Variants in SLC9A9 observed in about 807,000 individuals in gnomAD.
SLC9A9 encodes the protein sodium/hydrogen exchanger 9.
SLC9A9 carries 62 observed loss-of-function variants against 77.8 expected under a neutral mutation model. The ratio of observed to expected loss-of-function variants is 0.80; its 90% CI spans 0.65 to 0.98. SLC9A9 has a LOEUF of 0.98. Among genes scored for constraint, SLC9A9 ranks in the 50% least tolerant of loss-of-function variants. The pLI is 0.00. For synonymous variants in SLC9A9, 320 were observed against 283.5 expected (o/e 1.13, Z -1.29); for missense variants, 775 against 774.9 (o/e 1.00, Z 0.00).
At chr3:143,624,103 T>A (rs1252090822) in intron 6 of SLC9A9, among the ~76,000 whole-genome samples, 4 of 152,188 alleles carry the variant, frequency 2.6e-5, no homozygotes, top group African/African-American at 9.7e-5. Flanking sequence ...TAACAGGCTC[T>A]GAAATTGAGG....
At chr3:143,531,140 T>A (rs2036504311) in intron 9 of SLC9A9, among the ~76,000 whole-genome samples, 1 of 152,246 alleles carries the variant, frequency 6.6e-6, no homozygotes, top group Non-Finnish European at 1.5e-5. Context: ...AGTACTTTTA[T>A]AGATTCTGGT....
rs1218916277 is a variant in SLC9A9, at chr3:143,353,726, T to C, written c.1604+9758A>G. ...ATCTTAAGGGCAATCACCATTTCTTTCTTTATCTCTGTGGCTTAGGAGAAG... is the reference window on the plus strand; with the variant it reads ...ATCTTAAGGGCAATCACCATTTCTTCCTTTATCTCTGTGGCTTAGGAGAAG... On this transcript the variant is annotated intron_variant, in intron 14 of 15. Transcript: ENST00000316549. Among the ~76,000 whole-genome samples the C allele has an allele frequency of 2.0e-5, 3 of 152,308 alleles. No homozygotes were observed. In the South Asian group the frequency reaches 6.2e-4, roughly 32 times the overall value.
chr3:143,352,224 A>T (rs1368812366), intron 14 of SLC9A9, among the ~76,000 whole-genome samples: 1 of 152,228 alleles, frequency 6.6e-6, no homozygotes. Flanking sequence ...GCTAGTCCAT[A>T]GCGAGGGATG....
chr3:143,632,836 G>A (rs1312097634), intron 6 of SLC9A9, among the ~76,000 whole-genome samples: 1 of 152,150 alleles, frequency 6.6e-6, no homozygotes, highest in East Asian at 1.9e-4. Context: ...GGATGTAACT[G>A]TTCCACAAAC....
chr3:143,615,943 C>T (rs535451424), intron 6 of SLC9A9, among the ~76,000 whole-genome samples: 1 of 151,204 alleles, frequency 6.6e-6, no homozygotes, highest in East Asian at 2.0e-4. Flanking sequence ...TGCAGTGGCA[C>T]AATCTCGGCT....
chr3:143,545,432 G>A (rs1355032148), intron 9 of SLC9A9, among the ~76,000 whole-genome samples: 1 of 152,146 alleles, frequency 6.6e-6, no homozygotes, highest in Non-Finnish European at 1.5e-5. Flanking sequence ...TATGTCTTCT[G>A]CTATATTAGG....
intron 13 of SLC9A9, among the ~76,000 whole-genome samples, chr3:143,374,342 G>A (rs1290812112): frequency 6.7e-6 from 1 of 149,338 alleles, no homozygotes; most frequent in Non-Finnish European, 1.5e-5. Context: ...GGAGAATGGC[G>A]TGAACCCGGG....
chr3:143,645,180 C>T (rs1416828134), intron 6 of SLC9A9, among the ~76,000 whole-genome samples: 1 of 152,178 alleles, frequency 6.6e-6, no homozygotes, highest in Non-Finnish European at 1.5e-5. Context: ...CTCATTCATT[C>T]AGTAGTTATT....
intron 14 of SLC9A9, among the ~76,000 whole-genome samples, chr3:143,317,405 C>T (rs1405687679): frequency 6.6e-6 from 1 of 152,208 alleles, no homozygotes; most frequent in Non-Finnish European, 1.5e-5. Context: ...TTGCCCCTCA[C>T]TTTCCTCTCA....
chr3:143,446,439 C>G (rs1244794919), intron 12 of SLC9A9, among the ~76,000 whole-genome samples: 4 of 152,044 alleles, frequency 2.6e-5, no homozygotes, highest in Non-Finnish European at 5.9e-5. Flanking sequence ...AAGTTGGAAC[C>G]TGTTGCTCAG....
chr3:143,414,411 T>C (rs888390208), intron 12 of SLC9A9, among the ~76,000 whole-genome samples: 1 of 152,258 alleles, frequency 6.6e-6, no homozygotes, highest in African/African-American at 2.4e-5. Flanking sequence ...TTTAACAAAC[T>C]GCAAGTTTGT....
At chr3:143,450,271 C>T (rs1320918663) in intron 12 of SLC9A9, among the ~76,000 whole-genome samples, 1 of 141,982 alleles carries the variant, frequency 7.0e-6, no homozygotes, top group African/African-American at 2.6e-5. Flanking sequence ...AAAAATTATT[C>T]TAGTCTGATA....
intron 14 of SLC9A9, among the ~76,000 whole-genome samples, chr3:143,300,903 A>T (rs1328936655): frequency 6.6e-6 from 1 of 152,224 alleles, no homozygotes; most frequent in Non-Finnish European, 1.5e-5. Context: ...AGATTTGCAG[A>T]TTTGCACTGA....
At chr3:143,794,974 G>T in intron 4 of SLC9A9, 27 bp downstream of exon 4, 7 of 1,605,582 alleles carry the variant, frequency 4.4e-6, no homozygotes, top group Non-Finnish European at 5.1e-6. Context: ...ACAGCCACCT[G>T]CAACTTGAGC....
chr3:143,586,447 G>A (rs1212016768), intron 6 of SLC9A9, among the ~76,000 whole-genome samples: 1 of 152,134 alleles, frequency 6.6e-6, no homozygotes, highest in African/African-American at 2.4e-5. Context: ...AAGGGGCAAC[G>A]AAAATGTGTA....
chr3:143,748,387 T>C (rs2108822315), intron 4 of SLC9A9, among the ~76,000 whole-genome samples: 1 of 152,258 alleles, frequency 6.6e-6, no homozygotes, highest in East Asian at 1.9e-4. Flanking sequence ...ACTGTCCTCA[T>C]TAAGATGCTT....
chr3:143,808,207 T>C (rs897047705), intron 2 of SLC9A9, among the ~76,000 whole-genome samples: 5 of 152,222 alleles, frequency 3.3e-5, no homozygotes, highest in African/African-American at 1.2e-4. Context: ...CTAGCACATA[T>C]TCCACATGTC....
intron 4 of SLC9A9, among the ~76,000 whole-genome samples, chr3:143,726,337 G>A (rs2360868): frequency 0.91 from 137,346 of 151,716 alleles, 62,227 homozygotes; most frequent in East Asian, 1. Context: ...GCTCCAAGGA[G>A]ATTCTGGGCA....
intron 13 of SLC9A9, among the ~76,000 whole-genome samples, chr3:143,371,710 G>A (rs1261750635): frequency 6.6e-6 from 1 of 152,104 alleles, no homozygotes; most frequent in Non-Finnish European, 1.5e-5. Context: ...GAACAAAATG[G>A]AAATTCTAGA....
Sources: allele counts gnomAD v4.1 joint callset (sites outside exome capture counted in the v4.1 genomes callset), GRCh38; gene constraint gnomAD v4.1.1; transcripts MANE v1.5; gene names NCBI Gene and HGNC (gene_info 2026-07-23, HGNC 2026-07-21).